The following USP15 variants were observed in gnomAD, a reference collection of about 807,000 sequenced individuals.
The protein encoded by USP15 is ubiquitin specific peptidase 15, also known as ubiquitin carboxyl-terminal hydrolase 15.
A neutral mutation model predicts 127.1 loss-of-function variants in USP15; 18 were observed. The ratio of observed to expected loss-of-function variants is 0.14; its 90% CI spans 0.10 to 0.21. The LOEUF is 0.21. USP15 is among the 10% of genes least tolerant of loss of function. USP15 has a pLI of 1.00. For synonymous variants in USP15, 364 were observed against 393.7 expected (o/e 0.92, Z 0.89); for missense variants, 805 against 1,159.9 (o/e 0.69, Z 4.44).
chr12:62,387,505 A>G (rs2067189360), intron 11 of USP15, among the ~76,000 whole-genome samples: 1 of 152,210 alleles, frequency 6.6e-6, no homozygotes, highest in African/African-American at 2.4e-5. Flanking sequence ...GCAATAGAAA[A>G]GAATTAAAAG....
At chr12:62,329,551 A>G (rs191001293) in intron 6 of USP15, among the ~76,000 whole-genome samples, 1 of 150,254 alleles carries the variant, frequency 6.7e-6, no homozygotes, top group East Asian at 1.9e-4. Context: ...TTTAAAACCT[A>G]AAGGGAATAA....
intron 8 of USP15, among the ~76,000 whole-genome samples, chr12:62,363,510 A>AT (rs1332225722): frequency 4.6e-5 from 7 of 152,048 alleles, no homozygotes; most frequent in African/African-American, 1.7e-4. Context: ...TCTCACTTCC[A>AT]TTAGGTCGCT....
In USP15 at chr12:62,355,367, C is replaced by G; in HGVS notation, c.807C>G (p.Thr269=). 1.2e-6 allele frequency: 2 copies of G among 1,608,938 alleles called. No individual in the cohort carries two copies. The highest frequency in any genetic ancestry group is 1.7e-6 in the Non-Finnish European group (2 of 1,177,248). ...KNSNYCLPSY[T]AYKNYDYSEP... The stretch of plus-strand genomic sequence containing the variant: ...CAAATTACTGTCTTCCATCATATAC[C>G]GCTTATAAGAACTATGATTATTCGG... Residue 269 remains threonine, a synonymous_variant, in exon 8 of 22, where the codon ACC becomes ACG. Coordinates refer to ENST00000280377, the MANE Select transcript of USP15 (RefSeq NM_001252078.2).
chr12:62,269,131 G>A (rs1019450795), intron 1 of USP15, among the ~76,000 whole-genome samples: 2 of 151,986 alleles, frequency 1.3e-5, no homozygotes, highest in Non-Finnish European at 2.9e-5. Context: ...TAATGACAAG[G>A]ATAACTTCTG....
rs369661902 is a variant in USP15, at chr12:62,391,412, G to A, written c.2216G>A (p.Arg739Lys). The change falls in exon 16 of 22, where the codon AGG becomes AAG. Residue 739 changes from arginine to lysine, a missense_variant. Coordinates refer to ENST00000280377, the MANE Select transcript of USP15 (RefSeq NM_001252078.2). ...DDTRHIRFDD[R>K]QLRLDERSFL... ...ACCAGGCATATAAGATTTGATGATA[G>A]GCAGCTTAGGCTAGATGGTAAGTAT... The A allele has an allele frequency of 2.2e-5, 35 of 1,610,718 alleles. No individual in the cohort carries two copies. The Admixed American group carries it at 3.4e-4, about 16-fold the overall frequency.
intron 8 of USP15, 61 bp downstream of exon 8, chr12:62,355,536 A>T: frequency 6.7e-7 from 1 of 1,497,556 alleles, no homozygotes; most frequent in Non-Finnish European, 8.9e-7. Flanking sequence ...ACAAGAAGAT[A>T]AAGTTGGGTT....
At chr12:62,327,911 A>G (rs1000216257) in intron 6 of USP15, 5 of 227,988 alleles carry the variant, frequency 2.2e-5, no homozygotes, top group Non-Finnish European at 3.6e-5. Context: ...TCTAAGAAAT[A>G]CTATGCAGTA....
At chr12:62,384,880 T>C (rs1468191852) in intron 11 of USP15, among the ~76,000 whole-genome samples, 1 of 151,902 alleles carries the variant, frequency 6.6e-6, no homozygotes, top group Non-Finnish European at 1.5e-5. Flanking sequence ...TGTCAAATTG[T>C]CTGCCTGATT....
intron 8 of USP15, among the ~76,000 whole-genome samples, chr12:62,364,056 T>A (rs1406435802): frequency 6.6e-6 from 1 of 152,130 alleles, no homozygotes; most frequent in Non-Finnish European, 1.5e-5. Context: ...ATCAGAGGCC[T>A]AAGCTGGAAA....
At chr12:62,261,756 T>C (rs2063066628) in intron 1 of USP15, among the ~76,000 whole-genome samples, 1 of 152,306 alleles carries the variant, frequency 6.6e-6, no homozygotes, top group Middle Eastern at 3.4e-3. Flanking sequence ...GGCTGTGATA[T>C]TGGGATCATT....
chr12:62,373,435 A>G lies in USP15; in HGVS notation c.916-8055A>G, dbSNP rs538858462. ...GAAGAAATACCATAGAATTTCAAAGAAGGGACAACAGTGGGGACTTTAAAT... is the reference window on the plus strand; with the variant it reads ...GAAGAAATACCATAGAATTTCAAAGGAGGGACAACAGTGGGGACTTTAAAT... On this transcript the variant is annotated intron_variant, in intron 8 of 21. Coordinates refer to ENST00000280377, the MANE Select transcript of USP15 (RefSeq NM_001252078.2). Among the ~76,000 whole-genome samples, 4 of 152,144 alleles carry G rather than the reference A, an allele frequency of 2.6e-5. No individual in the cohort carries two copies. The East Asian group carries it at 7.7e-4, about 29-fold the overall frequency.
chr12:62,377,551 C>A (rs1025599188), intron 8 of USP15, among the ~76,000 whole-genome samples: 1 of 152,036 alleles, frequency 6.6e-6, no homozygotes, highest in South Asian at 2.1e-4. Flanking sequence ...GAAACCCCGT[C>A]TCCACTAAAA....
chr12:62,354,437 G>A (rs2066057308), intron 7 of USP15, among the ~76,000 whole-genome samples: 1 of 151,618 alleles, frequency 6.6e-6, no homozygotes, highest in Non-Finnish European at 1.5e-5. Flanking sequence ...CAGATTGAAA[G>A]CATGCTTTTG....
At chr12:62,404,145 C>G in intron 21 of USP15, 48 bp from the exon 22 acceptor site, 1 of 1,500,608 alleles carries the variant, frequency 6.7e-7, no homozygotes, top group East Asian at 2.4e-5. Context: ...ATGTATTTAA[C>G]GTGATCTTTG....
At chr12:62,331,177 G>T (rs117794688) in intron 6 of USP15, among the ~76,000 whole-genome samples, 301 of 152,244 alleles carry the variant, frequency 2.0e-3, no homozygotes, top group Non-Finnish European at 3.7e-3. Flanking sequence ...CCATAATGTT[G>T]CATAGCACAT....
chr12:62,298,272 C>T (rs2064196322), intron 2 of USP15, among the ~76,000 whole-genome samples: 1 of 152,104 alleles, frequency 6.6e-6, no homozygotes. Context: ...CACCTGTAAT[C>T]CCAGCACTGT....
chr12:62,371,657 T>G (rs943453779), intron 8 of USP15, among the ~76,000 whole-genome samples: 2 of 152,158 alleles, frequency 1.3e-5, no homozygotes, highest in African/African-American at 4.8e-5. Flanking sequence ...TGTGGTGGAA[T>G]TTTTAAAAAA....
chr12:62,269,542 C>A (rs2063293901), intron 1 of USP15, among the ~76,000 whole-genome samples: 1 of 152,120 alleles, frequency 6.6e-6, no homozygotes, highest in East Asian at 1.9e-4. Context: ...CCTCATCCTC[C>A]CAATTAGCTA....
Position 62,393,284 on chromosome 12 carries a change from A to G in USP15, c.2570+82A>G, listed in dbSNP as rs938771305. On this transcript the variant is annotated intron_variant, in intron 19 of 21. Coordinates refer to ENST00000280377, the MANE Select transcript of USP15 (RefSeq NM_001252078.2). Reference sequence around the variant, plus strand: ...ATGCTTTTTGTTATTATCCTTTAGTAAACATCAGGTGCCATTGGACCCAAT... The same window carrying G: ...ATGCTTTTTGTTATTATCCTTTAGTGAACATCAGGTGCCATTGGACCCAAT... 16 of 1,506,398 alleles carry G rather than the reference A, an allele frequency of 1.1e-5. No homozygotes were observed. In the African/African-American group the frequency reaches 2.2e-4, roughly 21 times the overall value. The allele number at this position is 1,506,398 out of a possible 1,614,324, so 93.3% of individuals were successfully genotyped here.
Sources: allele counts gnomAD v4.1 joint callset (sites outside exome capture counted in the v4.1 genomes callset), GRCh38; gene constraint gnomAD v4.1.1; transcripts MANE v1.5; gene names NCBI Gene and HGNC (gene_info 2026-07-23, HGNC 2026-07-21).